The following ST6GALNAC5 variants were observed in gnomAD, a reference collection of about 807,000 sequenced individuals.
ST6GALNAC5 encodes ST6 N-acetylgalactosaminide alpha-2,6-sialyltransferase 5, also known as alpha-N-acetylgalactosaminide alpha-2,6-sialyltransferase 5.
A neutral mutation model predicts 33.6 loss-of-function variants in ST6GALNAC5; 27 were observed. That is an observed-to-expected ratio of 0.80 (90% CI 0.59 to 1.11). The LOEUF (loss-of-function observed/expected upper bound fraction) is 1.11, where lower values mean the gene tolerates loss of function less well. Among genes scored for constraint, ST6GALNAC5 ranks in the 50% least tolerant of loss-of-function variants. The pLI is 0.00. For missense variants in ST6GALNAC5, 428 were observed against 454.0 expected, an observed-to-expected ratio of 0.94 and a Z score of 0.52; for synonymous variants, 194 against 171.2, an observed-to-expected ratio of 1.13 and a Z score of -1.04.
intron 2 of ST6GALNAC5, among the ~76,000 whole-genome samples, chr1:76,945,155 TA>T (rs1254464289): frequency 6.6e-6 from 1 of 152,088 alleles, no homozygotes; most frequent in African/African-American, 2.4e-5. Flanking sequence ...ATGAGTCATC[TA>T]AACCTAACAA....
intron 2 of ST6GALNAC5, among the ~76,000 whole-genome samples, chr1:76,934,323 T>C (rs1160295525): frequency 6.6e-6 from 1 of 152,040 alleles, no homozygotes; most frequent in Admixed American, 6.6e-5. Flanking sequence ...GTATTTCTCT[T>C]AGTAGAATAG....
At chr1:76,922,380 C>T (rs1237044901) in intron 2 of ST6GALNAC5, among the ~76,000 whole-genome samples, 8 of 152,102 alleles carry the variant, frequency 5.3e-5, no homozygotes, top group Admixed American at 4.6e-4. Flanking sequence ...AATGGGGAGA[C>T]ATACTGTATT....
intron 2 of ST6GALNAC5, among the ~76,000 whole-genome samples, chr1:76,941,171 G>T (rs1262361249): frequency 1.3e-5 from 2 of 152,048 alleles, no homozygotes; most frequent in Non-Finnish European, 2.9e-5. Context: ...GAAATTCCTT[G>T]TTCCCACAAG....
chr1:76,903,937 G>C (rs1358726228), intron 2 of ST6GALNAC5, among the ~76,000 whole-genome samples: 2 of 152,134 alleles, frequency 1.3e-5, no homozygotes, highest in Non-Finnish European at 2.9e-5. Context: ...GAGAGTGATA[G>C]CTAAAGGGCA....
intron 2 of ST6GALNAC5, among the ~76,000 whole-genome samples, chr1:76,895,035 T>G (rs1449681858): frequency 6.6e-6 from 1 of 151,966 alleles, no homozygotes; most frequent in Non-Finnish European, 1.5e-5. Context: ...GTAGGGGAGC[T>G]TTTGAGCCAG....
chr1:76,893,633 C>A (rs974573607), intron 2 of ST6GALNAC5, among the ~76,000 whole-genome samples: 1 of 152,074 alleles, frequency 6.6e-6, no homozygotes, highest in Non-Finnish European at 1.5e-5. Flanking sequence ...ATAGAAGACA[C>A]TATCTATTCA....
chr1:76,921,633 G>C (rs1647035498), intron 2 of ST6GALNAC5, among the ~76,000 whole-genome samples: 1 of 152,084 alleles, frequency 6.6e-6, no homozygotes, highest in African/African-American at 2.4e-5. Context: ...AAACTACCAA[G>C]CCTCAGCCAG....
At chr1:77,027,470 G>C (rs189601801) in intron 2 of ST6GALNAC5, among the ~76,000 whole-genome samples, 1 of 152,330 alleles carries the variant, frequency 6.6e-6, no homozygotes, top group Non-Finnish European at 1.5e-5. Context: ...GCAATCTCCT[G>C]AGAAATGCTG....
intron 2 of ST6GALNAC5, among the ~76,000 whole-genome samples, chr1:77,004,311 C>G (rs1396688664): frequency 4.1e-5 from 6 of 146,900 alleles, no homozygotes; most frequent in African/African-American, 1.5e-4. Flanking sequence ...GCATTCTTCA[C>G]GTAGTTCTCG....
At chr1:77,031,584 A>G (rs960503381) in intron 2 of ST6GALNAC5, among the ~76,000 whole-genome samples, 9 of 152,192 alleles carry the variant, frequency 5.9e-5, no homozygotes, top group African/African-American at 2.2e-4. Flanking sequence ...AGTTTGAGCT[A>G]TTCAGTTGTT....
intron 2 of ST6GALNAC5, among the ~76,000 whole-genome samples, chr1:76,946,831 C>G (rs1647534222): frequency 6.6e-6 from 1 of 152,096 alleles, no homozygotes; most frequent in Admixed American, 6.6e-5. Context: ...GACCTATTTT[C>G]AAATAGGTGT....
chr1:76,979,606 G>A (rs936397611), intron 2 of ST6GALNAC5, among the ~76,000 whole-genome samples: 5 of 152,260 alleles, frequency 3.3e-5, no homozygotes, highest in Admixed American at 6.5e-5. Flanking sequence ...TACCTCTCAC[G>A]ATATGCAAAA....
At chr1:76,901,592 A>T (rs1455703579) in intron 2 of ST6GALNAC5, among the ~76,000 whole-genome samples, 1 of 152,216 alleles carries the variant, frequency 6.6e-6, no homozygotes, top group African/African-American at 2.4e-5. Flanking sequence ...AGAAGAGAAC[A>T]GGGTACTTTG....
intron 2 of ST6GALNAC5, among the ~76,000 whole-genome samples, chr1:77,030,882 C>T (rs1362858931): frequency 2.0e-5 from 3 of 152,208 alleles, no homozygotes; most frequent in African/African-American, 7.2e-5. Flanking sequence ...CTCTTCTTGC[C>T]AGGAATCTGC....
chr1:77,030,536 A>T (rs1570115807), intron 2 of ST6GALNAC5, among the ~76,000 whole-genome samples: 2 of 152,206 alleles, frequency 1.3e-5, no homozygotes, highest in East Asian at 3.9e-4. Flanking sequence ...GAAAGAGTCC[A>T]TAGGACTCCA....
intron 2 of ST6GALNAC5, among the ~76,000 whole-genome samples, chr1:76,993,199 G>A (rs1649804577): frequency 6.6e-6 from 1 of 152,148 alleles, no homozygotes; most frequent in Non-Finnish European, 1.5e-5. Context: ...TCTAGCATTA[G>A]CTGCTCCTTC....
intron 2 of ST6GALNAC5, among the ~76,000 whole-genome samples, chr1:76,965,780 T>C (rs1376732792): frequency 6.6e-6 from 1 of 152,242 alleles, no homozygotes; most frequent in Non-Finnish European, 1.5e-5. Context: ...GAATTAATTT[T>C]TGTATAAGGT....
At chr1:77,008,121 C>T (rs1373921581) in intron 2 of ST6GALNAC5, among the ~76,000 whole-genome samples, 1 of 152,152 alleles carries the variant, frequency 6.6e-6, no homozygotes, top group Admixed American at 6.5e-5. Flanking sequence ...TGTATGTCAT[C>T]AGTACCTGGA....
At chr1:76,982,683 A>G (rs768003167) in intron 2 of ST6GALNAC5, among the ~76,000 whole-genome samples, 3 of 152,128 alleles carry the variant, frequency 2.0e-5, no homozygotes, top group Non-Finnish European at 2.9e-5. Context: ...ATATTCCTTA[A>G]GAAGAGCAAC....
Sources: gnomAD v4.1 joint callset for allele counts (sites outside exome capture counted in the v4.1 genomes callset) on GRCh38, gnomAD v4.1.1 for gene constraint, MANE v1.5 for transcripts, NCBI Gene and HGNC (gene_info 2026-07-23, HGNC 2026-07-21) for gene names.